The following ABCB11 variants were observed in gnomAD, a reference collection of about 807,000 sequenced individuals.
ABCB11 encodes the protein ATP binding cassette subfamily B member 11.
In ABCB11, 95 loss-of-function variants were observed where a neutral mutation model predicts 148.0. The observed-to-expected ratio is 0.64, with a 90% CI of 0.54 to 0.76. The LOEUF is 0.76. ABCB11 is among the 30% of genes least tolerant of loss of function. The pLI is 0.00. For synonymous variants in ABCB11, 591 were observed against 555.4 expected (o/e 1.06, Z -0.90); for missense variants, 1,523 against 1,617.8 (o/e 0.94, Z 1.01).
intron 19 of ABCB11, among the ~76,000 whole-genome samples, chr2:168,949,289 C>G (rs1692459859): frequency 6.6e-6 from 1 of 151,594 alleles, no homozygotes; most frequent in Admixed American, 6.6e-5. Context: ...GCTTTTAGTG[C>G]ACCCATCACC....
chr2:168,958,244 A>C (rs1559202461), intron 18 of ABCB11, 116 bp from the exon 19 acceptor site: 3 of 941,658 alleles, frequency 3.2e-6, no homozygotes, highest in Non-Finnish European at 4.9e-6. Context: ...GAGTGACCTC[A>C]AATGTCTATG....
intron 22 of ABCB11, among the ~76,000 whole-genome samples, chr2:168,935,799 G>C (rs761619406): frequency 2.6e-5 from 4 of 152,164 alleles, no homozygotes; most frequent in Admixed American, 6.5e-5. Context: ...AAGCCTGGGG[G>C]ACTCTAAAGT....
chr2:168,915,846 T>C (rs1690930491), downstream of ABCB11, among the ~76,000 whole-genome samples: 1 of 152,152 alleles, frequency 6.6e-6, no homozygotes, highest in Non-Finnish European at 1.5e-5. Flanking sequence ...GGAAGGTAAA[T>C]ATTTTGCTTT....
intron 9 of ABCB11, 49 bp downstream of exon 9, chr2:168,990,752 T>C: frequency 6.2e-7 from 1 of 1,607,722 alleles, no homozygotes; most frequent in Non-Finnish European, 8.5e-7. Flanking sequence ...CTCAGGGTAC[T>C]ATGCTGATTG....
At chr2:168,931,772 C>T (rs1691577699) in intron 24 of ABCB11, among the ~76,000 whole-genome samples, 1 of 152,190 alleles carries the variant, frequency 6.6e-6, no homozygotes, top group African/African-American at 2.4e-5. Context: ...ATTTAGCATT[C>T]ACTGAATGTC....
At chr2:168,991,895 T>G (rs1694536060) in intron 8 of ABCB11, among the ~76,000 whole-genome samples, 2 of 150,544 alleles carry the variant, frequency 1.3e-5, no homozygotes, top group Non-Finnish European at 3.0e-5. Flanking sequence ...TGGAATGCAG[T>G]GGCATGATCC....
intron 10 of ABCB11, among the ~76,000 whole-genome samples, chr2:168,985,096 G>A (rs140417979): frequency 0.011 from 1,727 of 152,106 alleles, 19 homozygotes; most frequent in Middle Eastern, 0.044. Context: ...GACATGAATA[G>A]ACAATTCTCA....
intron 27 of ABCB11, 134 bp downstream of exon 27, chr2:168,924,523 G>T: frequency 2.7e-6 from 2 of 742,174 alleles, no homozygotes; most frequent in South Asian, 2.6e-5. Context: ...ATTGTCTTTT[G>T]GTTCCACAAA....
At chr2:168,976,801 G>T in intron 11 of ABCB11, 114 bp from the exon 12 acceptor site, 1 of 617,400 alleles carries the variant, frequency 1.6e-6, no homozygotes, top group South Asian at 2.1e-5. Context: ...GTTTTATCTG[G>T]TTGTTGCTCT....
At chr2:168,963,945 AGTTT>A (rs1225592447) in intron 18 of ABCB11, among the ~76,000 whole-genome samples, 3 of 151,900 alleles carry the variant, frequency 2.0e-5, no homozygotes, top group African/African-American at 7.2e-5. Flanking sequence ...TTGTTAGAAT[AGTTT>A]GTCTAAGACA....
At chr2:168,956,476 G>A (rs1199067114) in intron 19 of ABCB11, among the ~76,000 whole-genome samples, 6 of 151,634 alleles carry the variant, frequency 4.0e-5, no homozygotes, top group Non-Finnish European at 8.9e-5. Flanking sequence ...TGCTTTTGTA[G>A]GGGAGATTTT....
intron 7 of ABCB11, among the ~76,000 whole-genome samples, chr2:168,994,131 CT>C (rs2106011365): frequency 6.6e-6 from 1 of 152,114 alleles, no homozygotes; most frequent in Admixed American, 6.6e-5. Flanking sequence ...TTGATAAAGG[CT>C]TTTGGAAACC....
rs1166295336 is a variant in ABCB11 at position 168,921,994 on chromosome 2, G to A, written c.*1628C>T. On this transcript the variant is annotated 3_prime_UTR_variant, in exon 28 of 28. Coordinates refer to ENST00000650372, the MANE Select transcript of ABCB11 (RefSeq NM_003742.4). ...CTCCTGAGTAGCTGGGACTACAGGCGCCCGCCACCACGCCCGGCTAATTTT... is the reference window on the plus strand; with the variant it reads ...CTCCTGAGTAGCTGGGACTACAGGCACCCGCCACCACGCCCGGCTAATTTT... Among the ~76,000 whole-genome samples the A allele has an allele frequency of 2.6e-5, 4 of 151,356 alleles. No individual in the cohort carries two copies. The highest frequency in any genetic ancestry group is 2.0e-4 in the Admixed American group (3 of 15,208).
intron 5 of ABCB11, among the ~76,000 whole-genome samples, chr2:169,012,720 A>C (rs1324444162): frequency 6.6e-6 from 1 of 151,536 alleles, no homozygotes; most frequent in African/African-American, 2.4e-5. Flanking sequence ...AGCCTGGGCA[A>C]AAAAGGAGAC....
At chr2:169,029,537 G>A (rs1695798082) in intron 1 of ABCB11, among the ~76,000 whole-genome samples, 1 of 152,052 alleles carries the variant, frequency 6.6e-6, no homozygotes. Context: ...GGCCCTTCCA[G>A]CCCTGAGGGC....
At chr2:168,994,838 C>A (rs1028713945) in intron 7 of ABCB11, among the ~76,000 whole-genome samples, 10 of 151,988 alleles carry the variant, frequency 6.6e-5, no homozygotes, top group Non-Finnish European at 1.3e-4. Context: ...TGTGTTCCAG[C>A]AGGGTTAGAT....
At chr2:169,003,290 T>C (rs1429339669) in intron 5 of ABCB11, among the ~76,000 whole-genome samples, 1 of 151,494 alleles carries the variant, frequency 6.6e-6, no homozygotes, top group East Asian at 2.0e-4. Context: ...CATTATTGCA[T>C]TCCTTTTTAT....
intron 1 of ABCB11, among the ~76,000 whole-genome samples, chr2:169,021,753 A>G (rs1314384064): frequency 1.3e-5 from 2 of 152,080 alleles, no homozygotes; most frequent in Non-Finnish European, 2.9e-5. Flanking sequence ...ATTTAATTAT[A>G]ATTGTAACAC....
intron 1 of ABCB11, among the ~76,000 whole-genome samples, chr2:169,029,417 G>T (rs1695794249): frequency 6.6e-6 from 1 of 152,060 alleles, no homozygotes; most frequent in African/African-American, 2.4e-5. Context: ...TTTAATATAT[G>T]CTAAGAAACA....
Sources: allele counts gnomAD v4.1 joint callset (sites outside exome capture counted in the v4.1 genomes callset), GRCh38; gene constraint gnomAD v4.1.1; transcripts MANE v1.5; gene names NCBI Gene and HGNC (gene_info 2026-07-23, HGNC 2026-07-21).